Variants in KIAA0319 observed in about 807,000 individuals in gnomAD.
KIAA0319 encodes KIAA0319, also known as dyslexia-associated protein KIAA0319.
A neutral mutation model predicts 108.4 loss-of-function variants in KIAA0319; 83 were observed. The ratio of observed to expected loss-of-function variants is 0.77; its 90% CI spans 0.64 to 0.92. The LOEUF is 0.92. KIAA0319 is among the 40% of genes least tolerant of loss of function. The pLI is 0.00. For synonymous variants in KIAA0319, 484 were observed against 510.4 expected (o/e 0.95, Z 0.70); for missense variants, 1,195 against 1,322.4 (o/e 0.90, Z 1.49).
chr6:24,635,014 T>A (rs1222334459), intron 1 of KIAA0319, among the ~76,000 whole-genome samples: 1 of 152,196 alleles, frequency 6.6e-6, no homozygotes, highest in Non-Finnish European at 1.5e-5. Flanking sequence ...TAAGATAAGG[T>A]GAGCTTAGAG....
chr6:24,576,113 C>G (rs1261687604), intron 10 of KIAA0319, among the ~76,000 whole-genome samples: 1 of 152,168 alleles, frequency 6.6e-6, no homozygotes, highest in African/African-American at 2.4e-5. Flanking sequence ...AGACTTTTCC[C>G]AAACCGATCT....
In KIAA0319 at chr6:24,570,029, T is replaced by C; in HGVS notation, c.1865A>G (p.Asn622Ser). The change falls in exon 12 of 21, where the codon AAT (asparagine) becomes AGT (serine). Residue 622 changes from asparagine (N) to serine (S), a missense_variant. Transcript: ENST00000378214. ...VVTVIVQPENNRPPVAVAGPD... is the reference protein window; with the variant it reads ...VVTVIVQPENSRPPVAVAGPD... ...GCCGGCCACAGCCACTGGAGGTCTA[T>C]TGTTTTCTGGAATTACAGAAACAGT... is the stretch of plus-strand genomic sequence containing the variant. The C allele has an allele frequency of 1.2e-6, 2 of 1,613,934 alleles. No individual in the cohort carries two copies. The highest frequency in any genetic ancestry group is 1.7e-6 in the Non-Finnish European group (2 of 1,179,920).
At chr6:24,587,182 A>G (rs1767637850) in intron 4 of KIAA0319, among the ~76,000 whole-genome samples, 1 of 152,010 alleles carries the variant, frequency 6.6e-6, no homozygotes, top group Non-Finnish European at 1.5e-5. Context: ...CCTGTCTCCT[A>G]AATCTGGTTC....
intron 1 of KIAA0319, among the ~76,000 whole-genome samples, chr6:24,645,455 T>C (rs1342928821): frequency 6.6e-6 from 1 of 152,170 alleles, no homozygotes; most frequent in African/African-American, 2.4e-5. Flanking sequence ...ATCACATAAA[T>C]AGTTCTGAAT....
Position 24,581,004 on chromosome 6 carries a change from C to A in KIAA0319, c.1201G>T (p.Gly401Ter). The change falls in exon 7 of 21, where the codon GGA becomes TGA. Residue 401 changes from glycine (G) to a stop codon, truncating the protein, a stop_gained. Transcript: ENST00000378214. LOFTEE classifies it high-confidence loss of function. ...ACAGTGACTTTGAAGACATAAAGTC[C>A]GACGGACAACTGTAACATAAAGAAA... ...QTLNLSQLSV[G>*]LYVFKVTVSS... is the part of the protein sequence containing the mutation. The A allele has an allele frequency of 6.2e-7, 1 of 1,605,052 alleles. No individual in the cohort carries two copies. Among genetic ancestry groups the A allele is most frequent in the South Asian group, 1.1e-5 (1 of 90,890 alleles).
chr6:24,567,337 A>G (rs1158162711), intron 13 of KIAA0319, among the ~76,000 whole-genome samples: 1 of 152,192 alleles, frequency 6.6e-6, no homozygotes, highest in African/African-American at 2.4e-5. Flanking sequence ...CTCCATCTCT[A>G]TGAAAAATTA....
Position 24,597,917 on chromosome 6 carries a change from C to CAA in KIAA0319, c.56-1301_56-1300dup, listed in dbSNP as rs540860751. On this transcript the variant is annotated intron_variant, in intron 2 of 20. Transcript: ENST00000378214. ...TGGGTGACAGAGCAAGACCCTATCT[C>CAA]AAAAAAAAAAAAAAAAAAAAAAAAA... 104 of 32,452 alleles carry CAA rather than the reference C, an allele frequency of 3.2e-3. 8 individuals carry two copies. The highest frequency in any genetic ancestry group is 4.1e-3 in the Non-Finnish European group (64 of 15,642). The allele number at this position is 32,452 out of a possible 1,614,324, so 2.0% of individuals were successfully genotyped here. A position where few individuals can be genotyped will look rare whatever the true frequency, so the allele number is the denominator to read the frequency against.
intron 20 of KIAA0319, among the ~76,000 whole-genome samples, chr6:24,551,085 T>G (rs568321610): frequency 6.6e-6 from 1 of 152,102 alleles, no homozygotes; most frequent in East Asian, 1.9e-4. Context: ...CTCAAGCTAT[T>G]CTTCTGCCTC....
chr6:24,588,618 T>C lies in KIAA0319; in HGVS notation c.969A>G (p.Ile323Met), dbSNP rs1488824270. 3 of 1,613,722 alleles carry C rather than the reference T, an allele frequency of 1.9e-6. No individual in the cohort carries two copies. Among genetic ancestry groups the C allele is most frequent in the Non-Finnish European group, 2.5e-6 (3 of 1,179,830 alleles). ...CTGTCCTGGGAGCAGTGGTAGGAGA[T>C]ATGGGTAGCTCAGATGGGGTGGACT... Reference protein sequence around the residue: ...PSESTPSELPISPTTAPRTVK... With the variant: ...PSESTPSELPMSPTTAPRTVK... The change falls in exon 4 of 21, where the codon ATA becomes ATG. Residue 323 changes from isoleucine (I) to methionine (M), a missense_variant. Ile to Met is a conservative substitution (Grantham distance 10, BLOSUM62 1). Transcript: ENST00000378214.
At chr6:24,629,597 G>A (rs1269480491) in intron 1 of KIAA0319, among the ~76,000 whole-genome samples, 9 of 150,798 alleles carry the variant, frequency 6.0e-5, no homozygotes, top group Admixed American at 5.3e-4. Context: ...TAAAAGTGAT[G>A]GGTGTGGAAT....
chr6:24,594,198 CAAA>C (rs761107947), intron 3 of KIAA0319, among the ~76,000 whole-genome samples: 2 of 54,404 alleles, frequency 3.7e-5, no homozygotes, highest in African/African-American at 8.0e-5. Flanking sequence ...GACTCTGTCT[CAAA>C]AAAAAAAAAA....
intron 4 of KIAA0319, among the ~76,000 whole-genome samples, chr6:24,585,593 A>G (rs1218696362): frequency 6.6e-6 from 1 of 152,208 alleles, no homozygotes; most frequent in Non-Finnish European, 1.5e-5. Flanking sequence ...CAGACAAGGC[A>G]TAAGTGACTA....
intron 1 of KIAA0319, among the ~76,000 whole-genome samples, chr6:24,626,006 T>A (rs972581787): frequency 6.6e-6 from 1 of 152,216 alleles, no homozygotes; most frequent in Non-Finnish European, 1.5e-5. Flanking sequence ...CGGTGGAATA[T>A]TATTTGGCAA....
intron 1 of KIAA0319, among the ~76,000 whole-genome samples, chr6:24,606,293 T>C (rs1486117996): frequency 1.3e-5 from 2 of 152,136 alleles, no homozygotes; most frequent in Non-Finnish European, 2.9e-5. Context: ...CTCAATCTCA[T>C]TCCTTCTCTA....
intron 1 of KIAA0319, among the ~76,000 whole-genome samples, chr6:24,639,736 T>G (rs1776675374): frequency 6.6e-6 from 1 of 151,604 alleles, no homozygotes; most frequent in Non-Finnish European, 1.5e-5. Flanking sequence ...TAGTCCCAGC[T>G]ACTCGGGAGG....
intron 1 of KIAA0319, among the ~76,000 whole-genome samples, chr6:24,622,613 A>G (rs1283646898): frequency 6.6e-6 from 1 of 152,196 alleles, no homozygotes; most frequent in Non-Finnish European, 1.5e-5. Context: ...CAGCTAATAT[A>G]TATTAAGTAC....
intron 1 of KIAA0319, among the ~76,000 whole-genome samples, chr6:24,626,039 C>T (rs1343223074): frequency 6.6e-6 from 1 of 152,214 alleles, no homozygotes; most frequent in Non-Finnish European, 1.5e-5. Context: ...GGCATATCTA[C>T]TACATCATGG....
intron 1 of KIAA0319, among the ~76,000 whole-genome samples, chr6:24,630,306 C>T (rs1216231987): frequency 2.6e-5 from 4 of 151,696 alleles, no homozygotes; most frequent in Non-Finnish European, 5.9e-5. Flanking sequence ...GTCAGGAGTT[C>T]GAGGCCAGTC....
At chr6:24,580,797 A>C in intron 7 of KIAA0319, 129 bp downstream of exon 7, 1 of 665,532 alleles carries the variant, frequency 1.5e-6, no homozygotes. Flanking sequence ...TGTTTTCTCT[A>C]CAATGGAGCC....
Sources: allele counts gnomAD v4.1 joint callset (sites outside exome capture counted in the v4.1 genomes callset), GRCh38; gene constraint gnomAD v4.1.1; transcripts MANE v1.5; gene names NCBI Gene and HGNC (gene_info 2026-07-23, HGNC 2026-07-21).